ABCB9: variants seen among roughly 807,000 people sequenced by gnomAD.
ABCB9 encodes the protein ABC-type oligopeptide transporter ABCB9.
ABCB9 carries 36 observed loss-of-function variants against 62.0 expected under a neutral mutation model. The ratio of observed to expected loss-of-function variants is 0.58; its 90% CI spans 0.45 to 0.77. The LOEUF is 0.77. ABCB9 is among the 30% of genes least tolerant of loss of function. ABCB9 has a pLI of 0.00. For missense variants in ABCB9, 943 were observed against 1,054.7 expected (o/e 0.89, Z 1.47); for synonymous variants, 435 against 461.4 (o/e 0.94, Z 0.73).
chr12:122,924,685 C>T, downstream of ABCB9: 1 of 1,521,842 alleles, frequency 6.6e-7, no homozygotes, highest in Non-Finnish European at 8.8e-7. Context: ...TAAGCCAGCC[C>T]TGGGGTGCCG....
chr12:122,950,016 C>G, intron 3 of ABCB9, 98 bp from the exon 4 acceptor site: 3 of 1,526,676 alleles, frequency 2.0e-6, no homozygotes, highest in Non-Finnish European at 2.7e-6. Context: ...GGGAGCCCCA[C>G]CGCAGCCCCA....
At chr12:122,920,989 TGTC>T (rs1259235627) in exon 12 of ABCB9, 1 of 1,531,706 alleles carries the variant, frequency 6.5e-7, no homozygotes, top group Non-Finnish European at 8.7e-7. Flanking sequence ...TGGTTATCAT[TGTC>T]ATCATCATCA....
At position 122,940,673 on chromosome 12, in the gene ABCB9, C is replaced by T. The variant is rs1453437147; in HGVS notation, c.1569+134G>A. ...AGTATCTGTCTTCCCCAACTGGAGC[C>T]CAAAACTCCTGGAGGGCAATGATCT... On this transcript the variant is annotated intron_variant, in intron 8 of 11. Coordinates refer to ENST00000280560, the MANE Select transcript of ABCB9 (RefSeq NM_019625.4). This position sits in a 1 kb window ranked among gnomAD's most constrained non-coding sequence, Gnocchi z 4.8. 37 of 1,150,284 alleles carry T rather than the reference C, an allele frequency of 3.2e-5. No individual in the cohort carries two copies. The highest frequency in any genetic ancestry group is 4.4e-5 in the Non-Finnish European group (37 of 840,194). The allele number at this position is 1,150,284 out of a possible 1,614,324, so 71.3% of individuals were successfully genotyped here. A position where few individuals can be genotyped will look rare whatever the true frequency, so the allele number is the denominator to read the frequency against.
At chr12:122,968,206 T>C (rs2037229204), upstream of ABCB9, among the ~76,000 whole-genome samples, 1 of 152,188 alleles carries the variant, frequency 6.6e-6, no homozygotes, top group African/African-American at 2.4e-5. Context: ...AATATCTAAT[T>C]GTACTTGAAG....
At chr12:122,963,130 T>C (rs778350056) in intron 1 of ABCB9, among the ~76,000 whole-genome samples, 2 of 152,076 alleles carry the variant, frequency 1.3e-5, no homozygotes, top group Non-Finnish European at 1.5e-5. Flanking sequence ...AAATCCCGTC[T>C]CTACTAAAAA....
At chr12:122,971,895 T>C (rs561791724) in intron 1 of ABCB9, among the ~76,000 whole-genome samples, 4 of 152,266 alleles carry the variant, frequency 2.6e-5, no homozygotes, top group East Asian at 1.9e-4. Flanking sequence ...GCTGTGGCTA[T>C]ACTTGCTACT....
chr12:122,963,950 G>A (rs919868303), intron 1 of ABCB9, among the ~76,000 whole-genome samples: 5 of 152,188 alleles, frequency 3.3e-5, no homozygotes, highest in Admixed American at 6.5e-5. Flanking sequence ...GCAGGCTCCT[G>A]TCTGCTGCAA....
In ABCB9 at chr12:122,929,846, C is replaced by T. The variant is rs952893774; in HGVS notation, c.*65G>A. The T allele has an allele frequency of 6.1e-5, 89 of 1,466,498 alleles. No homozygotes were observed. The highest frequency in any genetic ancestry group is 7.6e-5 in the Admixed American group (3 of 39,270). 90.8% of individuals were successfully genotyped at this position (1,466,498 alleles called of 1,614,324 possible). On this transcript the variant is annotated 3_prime_UTR_variant, in exon 12 of 12. Coordinates refer to ENST00000280560, the MANE Select transcript of ABCB9 (RefSeq NM_019625.4). The surrounding 1 kb of genome is among the most constrained non-coding windows in gnomAD (Gnocchi z 6.0). Reference sequence around the variant, plus strand: ...GGCTCGGAGGGCAGCTGGGGGCCTCCGTGGGCACATCTGCCAGGCAGGCAC... The same window carrying T: ...GGCTCGGAGGGCAGCTGGGGGCCTCTGTGGGCACATCTGCCAGGCAGGCAC...
chr12:122,971,646 T>C (rs2037272075), intron 1 of ABCB9, among the ~76,000 whole-genome samples: 1 of 152,002 alleles, frequency 6.6e-6, no homozygotes, highest in Admixed American at 6.6e-5. Flanking sequence ...GAGACGGGAT[T>C]TTGCCATGTT....
In ABCB9 at chr12:122,950,332, C is replaced by T; in HGVS notation, c.716+119G>A. 8.2e-6 allele frequency: 8 copies of T among 970,724 alleles called. No individual in the cohort carries two copies. The South Asian group carries it at 1.3e-4, about 16-fold the overall frequency. 60.1% of individuals were successfully genotyped at this position (970,724 alleles called of 1,614,324 possible). A position where few individuals can be genotyped will look rare whatever the true frequency, so the allele number is the denominator to read the frequency against. On this transcript the variant is annotated intron_variant, in intron 3 of 11. Coordinates refer to ENST00000280560, the MANE Select transcript of ABCB9 (RefSeq NM_019625.4). ...CAGGGTGACCAGCTGAGGGACAGGC[C>T]CACCAGGGGCATTTCCAGGGCCTCC...
chr12:122,928,997 G>A lies in ABCB9; in HGVS notation c.*914C>T, dbSNP rs758596292. 30 of 985,762 alleles carry A rather than the reference G, an allele frequency of 3.0e-5. No individual in the cohort carries two copies. The highest frequency in any genetic ancestry group is 3.4e-5 in the Non-Finnish European group (28 of 829,964). The allele number at this position is 985,762 out of a possible 1,614,324, so 61.1% of individuals were successfully genotyped here. A position where few individuals can be genotyped will look rare whatever the true frequency, so the allele number is the denominator to read the frequency against. ...GCCCAAGTAGAAGTCAGAGGTTAGG[G>A]GTAAGAGGTAGTACACTTTATTGAC... On this transcript the variant is annotated 3_prime_UTR_variant, in exon 12 of 12. Coordinates refer to ENST00000280560, the MANE Select transcript of ABCB9 (RefSeq NM_019625.4).
chr12:122,971,158 G>A (rs1234430496), upstream of ABCB9, among the ~76,000 whole-genome samples: 1 of 152,006 alleles, frequency 6.6e-6, no homozygotes, highest in South Asian at 2.1e-4. Context: ...CAAGGCGGGT[G>A]GATCACCTGA....
At position 122,941,010 on chromosome 12, in the gene ABCB9, C is replaced by T; in HGVS notation, c.1381-15G>A. The T allele has an allele frequency of 1.9e-6, 3 of 1,575,026 alleles. No homozygotes were observed. The highest frequency in any genetic ancestry group is 2.6e-6 in the Non-Finnish European group (3 of 1,153,048). On this transcript the variant is annotated splice_polypyrimidine_tract_variant and intron_variant, in intron 7 of 11. Transcript: ENST00000280560. ...GAGCCCACGGACTGGGGAGAGGAGA[C>T]ACGCGTTCCTGTCCCACCGATACCC...
rs1327523805 is a variant in ABCB9, at chr12:122,932,869, C to T, written c.1904-541G>A. On this transcript the variant is annotated intron_variant, in intron 10 of 11. Transcript: ENST00000280560. The surrounding 1 kb of genome is among the most constrained non-coding windows in gnomAD (Gnocchi z 4.7). ...AATAAAACAAATAGACTCAAATGTC[C>T]ATCAATAGGAAATTGAGTCAATCAA... 6.6e-6 allele frequency among the ~76,000 whole-genome samples: 1 copy of T among 152,142 alleles called. No individual in the cohort carries two copies. The highest frequency in any genetic ancestry group is 6.6e-5 in the Admixed American group (1 of 15,260).
In ABCB9 at chr12:122,932,746, A is replaced by G. The variant is rs1279613498; in HGVS notation, c.1904-418T>C. Among the ~76,000 whole-genome samples, 1 of 152,176 alleles carries G rather than the reference A, an allele frequency of 6.6e-6. No individual in the cohort carries two copies. The highest frequency in any genetic ancestry group is 1.9e-4 in the East Asian group (1 of 5,190). ...CAGATGTGTGGCCTGTGGCCCCGCA[A>G]GCCCACCTGGACCAATTTTCCCCAT... On this transcript the variant is annotated intron_variant, in intron 10 of 11. Coordinates refer to ENST00000280560, the MANE Select transcript of ABCB9 (RefSeq NM_019625.4). The surrounding 1 kb of genome is among the most constrained non-coding windows in gnomAD (Gnocchi z 4.7).
chr12:122,974,532 T>A (rs138546002), intron 1 of ABCB9: 1 of 152,274 alleles, frequency 6.6e-6, no homozygotes, highest in Non-Finnish European at 1.5e-5. Context: ...AAAGGTTTAA[T>A]GCTGGTAGAT....
chr12:122,965,646 C>G (rs1365859330), intron 1 of ABCB9, among the ~76,000 whole-genome samples: 1 of 152,162 alleles, frequency 6.6e-6, no homozygotes, highest in Non-Finnish European at 1.5e-5. Context: ...CTGCACTATC[C>G]GGAAAAGGGG....
At chr12:122,951,943 A>G (rs1044045915) in intron 2 of ABCB9, 2 of 152,218 alleles carry the variant, frequency 1.3e-5, no homozygotes, top group Non-Finnish European at 1.5e-5. Context: ...ATAATCGCCA[A>G]TGTGATAGGG....
At chr12:122,974,710 C>T (rs1024804776) in intron 1 of ABCB9, 1 of 152,410 alleles carries the variant, frequency 6.6e-6, no homozygotes, top group Non-Finnish European at 1.5e-5. Context: ...GGTGGAGACA[C>T]TCACTGGGGC....
Sources: allele counts gnomAD v4.1 joint callset (sites outside exome capture counted in the v4.1 genomes callset), GRCh38; gene constraint gnomAD v4.1.1; non-coding constraint Gnocchi (gnomAD v3.1); transcripts MANE v1.5; gene names NCBI Gene and HGNC (gene_info 2026-07-23, HGNC 2026-07-21).